Variants in CYP2C18 observed in about 807,000 individuals in gnomAD.
CYP2C18 encodes cytochrome P450 2C18.
CYP2C18 carries 38 observed loss-of-function variants against 41.3 expected under a neutral mutation model. The observed-to-expected ratio is 0.92, with a 90% CI of 0.71 to 1.21. The LOEUF (loss-of-function observed/expected upper bound fraction) is 1.21. Among genes scored for constraint, CYP2C18 ranks in the 50% most tolerant of loss-of-function variants. CYP2C18 has a pLI of 0.00. For missense variants in CYP2C18, 635 were observed against 591.4 expected (o/e 1.07, Z -0.77); for synonymous variants, 236 against 210.0 (o/e 1.12, Z -1.07).
At chr10:94,723,155 T>G (rs754408202) in intron 6 of CYP2C18, among the ~76,000 whole-genome samples, 2 of 152,156 alleles carry the variant, frequency 1.3e-5, no homozygotes, top group African/African-American at 2.4e-5. Context: ...TATTTTCAGA[T>G]CTGCATTTGG....
Position 94,730,687 on chromosome 10 carries a change from G to A in CYP2C18, c.1150-2610G>A, listed in dbSNP as rs555976418. Among the ~76,000 whole-genome samples the A allele has an allele frequency of 7.2e-5, 11 of 152,140 alleles. No homozygotes were observed. In the East Asian group the frequency reaches 1.9e-3, roughly 27 times the overall value. On this transcript the variant is annotated intron_variant, in intron 7 of 8. Transcript: ENST00000285979. ...TGGAAGTCCTAGCCAGAGCAATCAG[G>A]CAAGAGGAAGAAAGAAAACGTATTC... is the stretch of plus-strand genomic sequence containing the variant.
Position 94,707,083 on chromosome 10 carries a change from G to A in CYP2C18, c.819+123G>A. On this transcript the variant is annotated intron_variant, in intron 5 of 8. Transcript: ENST00000285979. ...ATGTACTTACCATGTGTATAGATCT[G>A]GATGAAGCACCATGGAGAATTTATA... The A allele has an allele frequency of 4.8e-6, 3 of 628,598 alleles. No homozygotes were observed. In the South Asian group the frequency reaches 7.8e-5, roughly 16 times the overall value. 38.9% of individuals were successfully genotyped at this position (628,598 alleles called of 1,614,324 possible).
chr10:94,693,866 G>T (rs922665834), intron 3 of CYP2C18, among the ~76,000 whole-genome samples: 1 of 152,092 alleles, frequency 6.6e-6, no homozygotes, highest in African/African-American at 2.4e-5. Flanking sequence ...TTTAAAAATT[G>T]CCCTTTCCTC....
chr10:94,734,395 T>C (rs1847884206), intron 8 of CYP2C18, among the ~76,000 whole-genome samples: 1 of 152,160 alleles, frequency 6.6e-6, no homozygotes, highest in Non-Finnish European at 1.5e-5. Context: ...GGCCTTCTTT[T>C]AAGGATTTCA....
At chr10:94,720,355 G>A (rs376379875) in intron 5 of CYP2C18, 41 bp from the exon 6 acceptor site, 349 of 1,527,506 alleles carry the variant, frequency 2.3e-4, no homozygotes, top group Middle Eastern at 4.3e-4. Flanking sequence ...TTAATATGCT[G>A]GCAAACTACC....
chr10:94,692,732 T>A (rs1847028999), intron 3 of CYP2C18, among the ~76,000 whole-genome samples: 1 of 152,182 alleles, frequency 6.6e-6, no homozygotes, highest in South Asian at 2.1e-4. Context: ...GTATGTTTAT[T>A]GCGGCACTAT....
At chr10:94,725,188 C>A (rs1478518558) in intron 7 of CYP2C18, among the ~76,000 whole-genome samples, 1 of 150,912 alleles carries the variant, frequency 6.6e-6, no homozygotes, top group South Asian at 2.1e-4. Context: ...CAATCCTCCA[C>A]CTCTTCCTCC....
At chr10:94,695,304 C>T (rs1037352546) in intron 4 of CYP2C18, among the ~76,000 whole-genome samples, 1 of 152,060 alleles carries the variant, frequency 6.6e-6, no homozygotes, top group Non-Finnish European at 1.5e-5. Context: ...CCCCCAATCA[C>T]CCAACAGGCC....
At chr10:94,689,279 G>A (rs1271575988) in intron 3 of CYP2C18, among the ~76,000 whole-genome samples, 1 of 151,980 alleles carries the variant, frequency 6.6e-6, no homozygotes, top group African/African-American at 2.4e-5. Context: ...ACCTTCCCTA[G>A]TTGTCCATTA....
chr10:94,695,130 C>G (rs1457006061), intron 4 of CYP2C18, 53 bp downstream of exon 4: 1 of 1,489,750 alleles, frequency 6.7e-7, no homozygotes, highest in Non-Finnish European at 9.1e-7. Flanking sequence ...TTTTATCAGA[C>G]AGTCCAATTT....
At chr10:94,718,174 T>C (rs1357046553) in intron 5 of CYP2C18, among the ~76,000 whole-genome samples, 1 of 152,120 alleles carries the variant, frequency 6.6e-6, no homozygotes, top group East Asian at 1.9e-4. Context: ...TTTGGTTAAA[T>C]GTACTCCTAA....
intron 3 of CYP2C18, among the ~76,000 whole-genome samples, chr10:94,690,242 G>A (rs1467519985): frequency 6.6e-6 from 1 of 152,154 alleles, no homozygotes; most frequent in African/African-American, 2.4e-5. Flanking sequence ...CCCCATCCAA[G>A]TTGGACTCAC....
chr10:94,706,876 G>A lies in CYP2C18; in HGVS notation c.735G>A (p.Leu245=), dbSNP rs775993131. The change falls in exon 5 of 9, where the codon TTG becomes TTA. Residue 245 remains leucine, a synonymous_variant. Transcript: ENST00000285979. ...ENFAYIKSYV[L]ERIKEHQESL... ...TTGCTTACATTAAAAGTTATGTATT[G>A]GAGAGAATAAAAGAACATCAAGAAT... 9 of 1,611,910 alleles carry A rather than the reference G, an allele frequency of 5.6e-6. No homozygotes were observed. The East Asian group carries it at 1.8e-4, about 32-fold the overall frequency.
chr10:94,704,702 A>C (rs1408026619), intron 4 of CYP2C18, among the ~76,000 whole-genome samples: 1 of 152,118 alleles, frequency 6.6e-6, no homozygotes, highest in African/African-American at 2.4e-5. Flanking sequence ...TTTTCTAACT[A>C]GCCTGTCCCG....
intron 5 of CYP2C18, among the ~76,000 whole-genome samples, chr10:94,719,115 C>T (rs1316236647): frequency 6.6e-6 from 1 of 152,076 alleles, no homozygotes; most frequent in East Asian, 1.9e-4. Context: ...GAGACTGGAG[C>T]CTCCTATTCT....
Position 94,688,230 on chromosome 10 carries a change from AAG to A in CYP2C18, c.440_441del (p.Glu147GlyfsTer18), listed in dbSNP as rs1475950683. On this transcript the variant is annotated frameshift_variant, in exon 3 of 9. Transcript: ENST00000285979. LOFTEE classifies it high-confidence loss of function. ...AAGAGGAGCATCGAGGACCGTGTTC[AAG>A]AGGAAGCCCGCTGCCTTGTGGAGGA... 1 of 1,613,662 alleles carries A rather than the reference AAG, an allele frequency of 6.2e-7. No homozygotes were observed. Among genetic ancestry groups the A allele is most frequent in the Admixed American group, 1.7e-5 (1 of 59,972 alleles).
intron 4 of CYP2C18, among the ~76,000 whole-genome samples, chr10:94,704,500 T>A (rs2134189113): frequency 6.6e-6 from 1 of 151,790 alleles, no homozygotes; most frequent in African/African-American, 2.4e-5. Context: ...ATATATGTAT[T>A]TATATATATA....
At chr10:94,685,531 G>A (rs1268956996) in intron 1 of CYP2C18, among the ~76,000 whole-genome samples, 1 of 152,016 alleles carries the variant, frequency 6.6e-6, no homozygotes, top group Non-Finnish European at 1.5e-5. Context: ...TTTAGTTTCA[G>A]GTCTTATGCT....
intron 1 of CYP2C18, among the ~76,000 whole-genome samples, chr10:94,685,293 C>T (rs1210471379): frequency 6.6e-6 from 1 of 152,232 alleles, no homozygotes; most frequent in East Asian, 1.9e-4. Flanking sequence ...CTTTGTCTCT[C>T]AAAGTGCTGG....
Sources: gnomAD v4.1 joint callset for allele counts (sites outside exome capture counted in the v4.1 genomes callset) on GRCh38, gnomAD v4.1.1 for gene constraint, MANE v1.5 for transcripts, NCBI Gene and HGNC (gene_info 2026-07-23, HGNC 2026-07-21) for gene names.